Variants in PEMT observed in about 807,000 individuals in gnomAD.
PEMT encodes phospholipid methyltransferase.
A neutral mutation model predicts 27.4 loss-of-function variants in PEMT; 23 were observed. The observed-to-expected ratio is 0.84, with a 90% confidence interval of 0.60 to 1.19. The LOEUF is 1.19. Among genes scored for constraint, PEMT ranks in the 50% most tolerant of loss-of-function variants. The pLI, the probability that PEMT is intolerant of heterozygous loss-of-function variation, is 0.00. For missense variants in PEMT, 307 were observed against 310.1 expected, an observed-to-expected ratio of 0.99 and a Z score of 0.07; for synonymous variants, 137 against 139.1, an observed-to-expected ratio of 0.98 and a Z score of 0.11.
At chr17:17,527,750 C>A (rs1266046974) in intron 2 of PEMT, among the ~76,000 whole-genome samples, 1 of 152,232 alleles carries the variant, frequency 6.6e-6, no homozygotes, top group Non-Finnish European at 1.5e-5. Flanking sequence ...CCCGGCAAAG[C>A]TGATGAAGAA....
intron 2 of PEMT, among the ~76,000 whole-genome samples, chr17:17,537,292 C>T (rs145163819): frequency 2.6e-5 from 4 of 152,302 alleles, no homozygotes; most frequent in Non-Finnish European, 5.9e-5. Flanking sequence ...CCCACCTGCT[C>T]CTGGGCCTGG....
chr17:17,519,254 G>C (rs1409047263), intron 3 of PEMT, among the ~76,000 whole-genome samples: 1 of 151,910 alleles, frequency 6.6e-6, no homozygotes, highest in Non-Finnish European at 1.5e-5. Context: ...AGAACAGTGG[G>C]GGAGAGAGTG....
intron 1 of PEMT, among the ~76,000 whole-genome samples, chr17:17,579,852 C>A (rs959302695): frequency 2.0e-5 from 3 of 152,250 alleles, no homozygotes; most frequent in African/African-American, 7.2e-5. Flanking sequence ...AGCCACTCCG[C>A]AAATGGCGGG....
At chr17:17,583,869 A>T (rs1183391500) in intron 1 of PEMT, among the ~76,000 whole-genome samples, 1 of 152,202 alleles carries the variant, frequency 6.6e-6, no homozygotes. Context: ...GGAAGTTAGA[A>T]TGTCACAATG....
At chr17:17,537,727 G>A (rs1457411278) in intron 2 of PEMT, among the ~76,000 whole-genome samples, 1 of 152,268 alleles carries the variant, frequency 6.6e-6, no homozygotes, top group Non-Finnish European at 1.5e-5. Flanking sequence ...CCCTGAGACT[G>A]GGAGAGACAG....
At chr17:17,557,703 C>T (rs1401445988) in intron 2 of PEMT, among the ~76,000 whole-genome samples, 2 of 152,188 alleles carry the variant, frequency 1.3e-5, no homozygotes, top group South Asian at 4.1e-4. Flanking sequence ...CAAGCCAGCA[C>T]CAAGGAGTAG....
chr17:17,528,097 C>T (rs117947430), intron 2 of PEMT, among the ~76,000 whole-genome samples: 5 of 152,370 alleles, frequency 3.3e-5, no homozygotes, highest in Non-Finnish European at 7.4e-5. Context: ...CGAGCTTTGC[C>T]AAGGGCCCAC....
intron 1 of PEMT, among the ~76,000 whole-genome samples, chr17:17,584,328 T>G (rs1912130559): frequency 6.6e-6 from 1 of 152,144 alleles, no homozygotes; most frequent in African/African-American, 2.4e-5. Flanking sequence ...CCCAGCTATT[T>G]TTTTGTATTT....
At chr17:17,579,143 C>T (rs959435622) in intron 1 of PEMT, among the ~76,000 whole-genome samples, 6 of 152,184 alleles carry the variant, frequency 3.9e-5, no homozygotes, top group Non-Finnish European at 7.4e-5. Context: ...GGGGGGCAAG[C>T]GCAGCCTCCA....
intron 2 of PEMT, among the ~76,000 whole-genome samples, chr17:17,562,163 G>T (rs1386312273): frequency 6.6e-6 from 1 of 152,216 alleles, no homozygotes; most frequent in Non-Finnish European, 1.5e-5. Flanking sequence ...AGCACAGGGC[G>T]GGACCAGCTC....
chr17:17,546,580 G>A (rs571048195), intron 2 of PEMT, among the ~76,000 whole-genome samples: 40 of 152,368 alleles, frequency 2.6e-4, no homozygotes, highest in African/African-American at 9.1e-4. Flanking sequence ...GATGGCATCA[G>A]CTGGGCTAGG....
chr17:17,574,467 A>T (rs762006147), intron 2 of PEMT, among the ~76,000 whole-genome samples: 1 of 151,984 alleles, frequency 6.6e-6, no homozygotes, highest in Non-Finnish European at 1.5e-5. Context: ...CTACAGGCGT[A>T]CACCATCACA....
intron 2 of PEMT, among the ~76,000 whole-genome samples, chr17:17,530,269 G>T (rs888559720): frequency 5.3e-5 from 8 of 152,204 alleles, no homozygotes; most frequent in Admixed American, 2.0e-4. Flanking sequence ...GCCGAGGCGG[G>T]CGGATCACCT....
chr17:17,588,724 G>A (rs1165573556), intron 1 of PEMT, among the ~76,000 whole-genome samples: 1 of 152,196 alleles, frequency 6.6e-6, no homozygotes, highest in Non-Finnish European at 1.5e-5. Context: ...GCACCCCTAG[G>A]CCCTACTGGA....
At chr17:17,517,291 A>T (rs1185196063) in intron 3 of PEMT, among the ~76,000 whole-genome samples, 1 of 152,240 alleles carries the variant, frequency 6.6e-6, no homozygotes, top group East Asian at 1.9e-4. Flanking sequence ...GGAATTTGTT[A>T]CACAGCAGAA....
chr17:17,557,356 A>C (rs1179677161), intron 2 of PEMT, among the ~76,000 whole-genome samples: 1 of 152,194 alleles, frequency 6.6e-6, no homozygotes, highest in East Asian at 1.9e-4. Flanking sequence ...TTCATTATGA[A>C]AGGGACGTGA....
chr17:17,574,244 CAAAA>C (rs1158184847), intron 2 of PEMT, among the ~76,000 whole-genome samples: 1 of 45,232 alleles, frequency 2.2e-5, no homozygotes. Context: ...AGCTTATGAC[CAAAA>C]AAAAAAAAAA....
chr17:17,560,301 G>A (rs559940062), intron 2 of PEMT, among the ~76,000 whole-genome samples: 32 of 152,264 alleles, frequency 2.1e-4, no homozygotes, highest in Non-Finnish European at 2.9e-4. Context: ...CGAGCTGCCC[G>A]CCTGGGAGGC....
chr17:17,578,147 A>G (rs576466863), intron 1 of PEMT, among the ~76,000 whole-genome samples: 9 of 152,116 alleles, frequency 5.9e-5, no homozygotes, highest in East Asian at 5.8e-4. Flanking sequence ...AACATAAAAT[A>G]TAGTATCAAA....
Sources: allele counts gnomAD v4.1 joint callset (sites outside exome capture counted in the v4.1 genomes callset), GRCh38; gene constraint gnomAD v4.1.1; transcripts MANE v1.5; gene names NCBI Gene and HGNC (gene_info 2026-07-23, HGNC 2026-07-21).